The following ZAP70 variants were observed in gnomAD, a reference collection of about 807,000 sequenced individuals.
The protein encoded by ZAP70 is zeta chain of T cell receptor associated protein kinase 70, also known as tyrosine-protein kinase ZAP-70.
A neutral mutation model predicts 65.8 loss-of-function variants in ZAP70; 27 were observed. The ratio of observed to expected loss-of-function variants is 0.41; its 90% CI spans 0.30 to 0.57. The LOEUF (loss-of-function observed/expected upper bound fraction) is 0.57. Among genes scored for constraint, ZAP70 ranks in the 20% least tolerant of loss-of-function variants. ZAP70 has a pLI of 0.28. For synonymous variants in ZAP70, 363 were observed against 360.8 expected, an observed-to-expected ratio of 1.01 and a Z score of -0.07; for missense variants, 696 against 870.5, an observed-to-expected ratio of 0.80 and a Z score of 2.52.
intron 9 of ZAP70, chr2:97,734,944 C>T: frequency 1.4e-6 from 1 of 691,402 alleles, no homozygotes; most frequent in East Asian, 2.7e-5. Context: ...GTTCCCAACC[C>T]AGGGGAGCTG....
chr2:97,743,699 G>T (rs1678184316), downstream of ZAP70, among the ~76,000 whole-genome samples: 1 of 152,104 alleles, frequency 6.6e-6, no homozygotes, highest in African/African-American at 2.4e-5. Context: ...TATATTTATT[G>T]CAAAATTCTT....
chr2:97,719,551 C>G (rs1235595318), intron 2 of ZAP70, among the ~76,000 whole-genome samples: 2 of 144,248 alleles, frequency 1.4e-5, no homozygotes, highest in East Asian at 4.8e-4. Context: ...TGGAGAACAG[C>G]CTGGGGGGGG....
downstream of ZAP70, among the ~76,000 whole-genome samples, chr2:97,740,737 C>T (rs1440910386): frequency 2.6e-5 from 4 of 152,200 alleles, no homozygotes; most frequent in African/African-American, 9.7e-5. Flanking sequence ...ATCCCGCCCT[C>T]ACTGCCTGCT....
intron 2 of ZAP70, among the ~76,000 whole-genome samples, chr2:97,723,648 G>A (rs1401442610): frequency 1.3e-5 from 2 of 152,216 alleles, no homozygotes; most frequent in East Asian, 3.8e-4. Flanking sequence ...CGGGAGGACG[G>A]GGTGGGACCG....
the ZAP70 span, among the ~76,000 whole-genome samples, chr2:97,755,944 T>G: frequency 6.6e-6 from 1 of 152,222 alleles, no homozygotes. Context: ...ACCTGGGGCC[T>G]CTGAGCCAGC....
chr2:97,743,532 C>T (rs1559332938), downstream of ZAP70, among the ~76,000 whole-genome samples: 1 of 152,152 alleles, frequency 6.6e-6, no homozygotes. Context: ...GATAGGGTTT[C>T]ACCATATTGG....
chr2:97,742,351 C>T (rs752261803), downstream of ZAP70, among the ~76,000 whole-genome samples: 5 of 152,208 alleles, frequency 3.3e-5, no homozygotes, highest in Admixed American at 6.5e-5. Context: ...TTGTAAGTGG[C>T]GAAGTTGAGC....
In ZAP70 at chr2:97,731,612, C is replaced by T. The variant is rs1677611075; in HGVS notation, c.564-1271C>T. Among the ~76,000 whole-genome samples, 1 of 152,202 alleles carries T rather than the reference C, an allele frequency of 6.6e-6. No homozygotes were observed. Among genetic ancestry groups the T allele is most frequent in the South Asian group, 2.1e-4 (1 of 4,826 alleles). ...TGTCCAGGAATGGAGAGGATGGTCA[C>T]AGCTGCACCTCTCTCCCTCACTCAG... On this transcript the variant is annotated intron_variant, in intron 4 of 13. Transcript: ENST00000264972. This position sits in a 1 kb window ranked among gnomAD's most constrained non-coding sequence, Gnocchi z 4.0.
chr2:97,723,788 A>G (rs1009434775), intron 2 of ZAP70, among the ~76,000 whole-genome samples: 1 of 152,228 alleles, frequency 6.6e-6, no homozygotes, highest in Non-Finnish European at 1.5e-5. Flanking sequence ...GGGCGTCCAC[A>G]TAATGTCTCT....
At chr2:97,734,742 C>A (rs201620644) in intron 9 of ZAP70, 30 bp downstream of exon 9, 2 of 1,611,204 alleles carry the variant, frequency 1.2e-6, no homozygotes, top group South Asian at 1.1e-5. Flanking sequence ...GGTGGGAGCA[C>A]CGCCGCCTGG....
At chr2:97,748,296 TATA>T in the ZAP70 span, among the ~76,000 whole-genome samples, 1 of 152,238 alleles carries the variant, frequency 6.6e-6, no homozygotes, top group African/African-American at 2.4e-5. Flanking sequence ...GTACAGTATT[TATA>T]ATAAATGATT....
chr2:97,725,738 A>C (rs1677362137), intron 4 of ZAP70, among the ~76,000 whole-genome samples: 1 of 152,144 alleles, frequency 6.6e-6, no homozygotes, highest in African/African-American at 2.4e-5. Flanking sequence ...TTGCAATTTT[A>C]GATTAGGTGG....
intron 3 of ZAP70, 133 bp from the exon 4 acceptor site, chr2:97,724,959 C>G (rs1207550713): frequency 2.0e-6 from 3 of 1,536,360 alleles, no homozygotes; most frequent in Admixed American, 2.0e-5. Flanking sequence ...AGGTAGTCCT[C>G]GAAAACCTGC....
the ZAP70 span, among the ~76,000 whole-genome samples, chr2:97,750,021 CTTAT>C: frequency 3.5e-4 from 53 of 152,204 alleles, 2 homozygotes; most frequent in African/African-American, 9.7e-5. Context: ...AGTGCTACCA[CTTAT>C]TTATTTGGCC....
chr2:97,726,458 C>G (rs1677391777), intron 4 of ZAP70, among the ~76,000 whole-genome samples: 1 of 152,258 alleles, frequency 6.6e-6, no homozygotes, highest in Admixed American at 6.5e-5. Flanking sequence ...AATTCTTGGG[C>G]CTTCCTTCTC....
chr2:97,734,685 T>C lies in ZAP70; in HGVS notation c.1055T>C (p.Val352Ala). ...CTTGGCTGCGGCAACTTTGGCTCAG[T>C]GCGCCAGGGCGTGTACCGCATGCGC... is the stretch of plus-strand genomic sequence containing the variant. ...IELGCGNFGS[V>A]RQGVYRMRKK... is the part of the protein sequence containing the mutation. Residue 352 changes from valine (V) to alanine (A), a missense_variant, in exon 9 of 14, where the codon GTG becomes GCG. Around this residue, in one of 3 missense-constraint regions of ZAP70, gnomAD observed 551 missense variants for 630.0 expected, o/e 0.87. Coordinates refer to ENST00000264972, the MANE Select transcript of ZAP70 (RefSeq NM_001079.4). 6.2e-7 allele frequency: 1 copy of C among 1,614,080 alleles called. No homozygotes were observed. Among genetic ancestry groups the C allele is most frequent in the African/African-American group, 1.3e-5 (1 of 75,068 alleles).
At chr2:97,724,960 G>A (rs1677321216) in intron 3 of ZAP70, 132 bp from the exon 4 acceptor site, 3 of 1,537,180 alleles carry the variant, frequency 2.0e-6, no homozygotes, top group Non-Finnish European at 2.6e-6. Flanking sequence ...GGTAGTCCTC[G>A]AAAACCTGCC....
Position 97,737,229 on chromosome 2 carries a change from G to T in ZAP70, c.1290-244G>T, listed in dbSNP as rs984457778. On this transcript the variant is annotated intron_variant, in intron 10 of 13. Transcript: ENST00000264972. This position sits in a 1 kb window ranked among gnomAD's most constrained non-coding sequence, Gnocchi z 5.0. ...CGTCGAGGGTGCAGGCATAGGTCTA[G>T]ACTTGGGAGTCGTAGCGTGTGGGTG... is the stretch of plus-strand genomic sequence containing the variant. 2.6e-5 allele frequency among the ~76,000 whole-genome samples: 4 copies of T among 152,164 alleles called. No individual in the cohort carries two copies. The highest frequency in any genetic ancestry group is 9.7e-5 in the African/African-American group (4 of 41,434).
the ZAP70 span, among the ~76,000 whole-genome samples, chr2:97,753,893 G>A: frequency 6.6e-6 from 1 of 152,202 alleles, no homozygotes; most frequent in African/African-American, 2.4e-5. Context: ...GGAGACTGAG[G>A]TGGGAGAGCT....
Sources: gnomAD v4.1 joint callset for allele counts (sites outside exome capture counted in the v4.1 genomes callset) on GRCh38, gnomAD v4.1.1 for gene constraint, gnomAD v4.1.1 regional missense constraint, Gnocchi (gnomAD v3.1) non-coding constraint, MANE v1.5 for transcripts, NCBI Gene and HGNC (gene_info 2026-07-23, HGNC 2026-07-21) for gene names.